PDE4D: variants seen among roughly 807,000 people sequenced by gnomAD.
The protein encoded by PDE4D is phosphodiesterase 4D.
PDE4D carries 24 observed loss-of-function variants against 87.4 expected under a neutral mutation model. The ratio of observed to expected loss-of-function variants is 0.27; its 90% CI spans 0.20 to 0.39. PDE4D has a LOEUF of 0.39. PDE4D is among the 10% of genes least tolerant of loss of function. The pLI is 1.00. For synonymous variants in PDE4D, 384 were observed against 383.2 expected (o/e 1.00, Z -0.02); for missense variants, 714 against 1,041.0 (o/e 0.69, Z 4.32).
intron 2 of PDE4D, among the ~76,000 whole-genome samples, chr5:59,194,083 T>C (rs72764096): frequency 0.13 from 19,740 of 152,210 alleles, 1,680 homozygotes; most frequent in Middle Eastern, 0.2. Flanking sequence ...GCCACTGTAG[T>C]CACTGGGAAA....
chr5:60,102,768 C>A (rs1776364620), intron 2 of PDE4D, among the ~76,000 whole-genome samples: 1 of 152,016 alleles, frequency 6.6e-6, no homozygotes, highest in South Asian at 2.1e-4. Flanking sequence ...GGGTCATATT[C>A]AACGTATTTT....
intron 5 of PDE4D, among the ~76,000 whole-genome samples, chr5:59,135,401 T>C (rs1356825277): frequency 6.6e-6 from 1 of 152,214 alleles, no homozygotes; most frequent in Non-Finnish European, 1.5e-5. Context: ...ATAAATTCAA[T>C]TAAATGTGGT....
At chr5:60,444,764 CAG>C (rs1745508428) in intron 1 of PDE4D, among the ~76,000 whole-genome samples, 1 of 151,598 alleles carries the variant, frequency 6.6e-6, no homozygotes, top group South Asian at 2.1e-4. Context: ...AGAGGGCAGG[CAG>C]GTAAGAAAGA....
At chr5:59,542,870 A>G (rs1325633860) in intron 1 of PDE4D, among the ~76,000 whole-genome samples, 2 of 152,180 alleles carry the variant, frequency 1.3e-5, no homozygotes, top group Non-Finnish European at 2.9e-5. Context: ...CAGGCCTCAG[A>G]GATGAAATGT....
chr5:60,120,375 G>A (rs979730796), intron 2 of PDE4D, among the ~76,000 whole-genome samples: 1 of 152,170 alleles, frequency 6.6e-6, no homozygotes, highest in African/African-American at 2.4e-5. Context: ...AAAGTGAGGA[G>A]GTCCACTTGG....
chr5:59,977,331 A>G (rs1448472229), intron 3 of PDE4D, among the ~76,000 whole-genome samples: 1 of 152,244 alleles, frequency 6.6e-6, no homozygotes, highest in African/African-American at 2.4e-5. Flanking sequence ...TGGTCTGGAT[A>G]GAAGATCAAA....
chr5:60,379,494 A>G (rs1448828792), intron 1 of PDE4D, among the ~76,000 whole-genome samples: 1 of 152,206 alleles, frequency 6.6e-6, no homozygotes, highest in Non-Finnish European at 1.5e-5. Flanking sequence ...TGAGGACCCA[A>G]TCTCATGAAG....
intron 1 of PDE4D, among the ~76,000 whole-genome samples, chr5:59,522,162 A>G (rs1258260944): frequency 6.6e-6 from 1 of 152,236 alleles, no homozygotes; most frequent in Admixed American, 6.5e-5. Flanking sequence ...GGTGAAAAAA[A>G]CTAAAATTTG....
At chr5:59,676,009 G>A (rs1748013344) in intron 1 of PDE4D, among the ~76,000 whole-genome samples, 1 of 152,006 alleles carries the variant, frequency 6.6e-6, no homozygotes, top group African/African-American at 2.4e-5. Context: ...ATAGTGTTAA[G>A]AGATCACACT....
At chr5:59,828,187 C>T (rs572367881) in intron 1 of PDE4D, among the ~76,000 whole-genome samples, 1 of 150,430 alleles carries the variant, frequency 6.6e-6, no homozygotes, top group East Asian at 2.0e-4. Context: ...ATTTCAAAAC[C>T]TAAGAGAAAA....
At chr5:59,055,043 C>A (rs1561399034) in intron 5 of PDE4D, among the ~76,000 whole-genome samples, 1 of 152,154 alleles carries the variant, frequency 6.6e-6, no homozygotes, top group Non-Finnish European at 1.5e-5. Context: ...AGTTTACCAA[C>A]AGAACACATA....
chr5:59,729,573 CA>C (rs1757084172), intron 1 of PDE4D, among the ~76,000 whole-genome samples: 1 of 151,948 alleles, frequency 6.6e-6, no homozygotes, highest in Admixed American at 6.6e-5. Context: ...ATTCCAGAAA[CA>C]GATGAGGTCT....
At chr5:60,047,519 C>T (rs1019209584) in intron 2 of PDE4D, among the ~76,000 whole-genome samples, 1 of 152,120 alleles carries the variant, frequency 6.6e-6, no homozygotes, top group Non-Finnish European at 1.5e-5. Context: ...CTATAAATTT[C>T]CCTCTACACA....
chr5:59,417,410 G>C (rs1354132839), intron 1 of PDE4D, among the ~76,000 whole-genome samples: 5 of 152,000 alleles, frequency 3.3e-5, no homozygotes, highest in Non-Finnish European at 7.4e-5. Context: ...TGTATCTAAA[G>C]ATAAAATGGT....
At chr5:60,226,351 A>T (rs1009981504) in intron 1 of PDE4D, among the ~76,000 whole-genome samples, 1 of 152,140 alleles carries the variant, frequency 6.6e-6, no homozygotes, top group Admixed American at 6.6e-5. Flanking sequence ...TCAAGAGATT[A>T]GAACTATAAT....
At chr5:59,393,202 G>C (rs1788591355) in intron 1 of PDE4D, among the ~76,000 whole-genome samples, 2 of 152,096 alleles carry the variant, frequency 1.3e-5, no homozygotes, top group Admixed American at 6.5e-5. Context: ...AACCCAAGCA[G>C]AGTTTGAAGA....
At chr5:59,122,966 C>CACAAAGAGG (rs1774803206) in intron 5 of PDE4D, among the ~76,000 whole-genome samples, 1 of 151,992 alleles carries the variant, frequency 6.6e-6, no homozygotes, top group Non-Finnish European at 1.5e-5. Context: ...GTCAAAGAGT[C>CACAAAGAGG]CTGTAACATC....
At chr5:59,085,562 G>T (rs1181677671) in intron 5 of PDE4D, among the ~76,000 whole-genome samples, 4 of 152,118 alleles carry the variant, frequency 2.6e-5, no homozygotes, top group African/African-American at 7.2e-5. Flanking sequence ...CTACCCTCTT[G>T]AGAGAGTCAA....
At chr5:59,359,058 G>A (rs1009767425) in intron 1 of PDE4D, among the ~76,000 whole-genome samples, 1 of 152,148 alleles carries the variant, frequency 6.6e-6, no homozygotes, top group Non-Finnish European at 1.5e-5. Context: ...CCTTTTTAAA[G>A]GGATATTCAA....
Sources: allele counts gnomAD v4.1 joint callset (sites outside exome capture counted in the v4.1 genomes callset), GRCh38; gene constraint gnomAD v4.1.1; transcripts MANE v1.5; gene names NCBI Gene and HGNC (gene_info 2026-07-23, HGNC 2026-07-21).